Variants in MGRN1 observed in about 807,000 individuals in gnomAD.
The protein encoded by MGRN1 is E3 ubiquitin-protein ligase MGRN1.
Under a neutral mutation model 69.2 loss-of-function variants are expected in MGRN1, and 29 were observed. That is an observed-to-expected ratio of 0.42 (90% confidence interval 0.31 to 0.57). MGRN1 has a LOEUF of 0.57. Ranked by LOEUF, MGRN1 falls within the 20% of genes least tolerant of loss-of-function variation. MGRN1 has a pLI of 0.15. For missense variants in MGRN1, 998 were observed against 796.2 expected (o/e 1.25, Z -3.05); for synonymous variants, 470 against 344.2 (o/e 1.37, Z -4.04).
At chr16:4,659,657 T>C (rs1280697425) in intron 5 of MGRN1, among the ~76,000 whole-genome samples, 1 of 152,272 alleles carries the variant, frequency 6.6e-6, no homozygotes, top group Non-Finnish European at 1.5e-5. Flanking sequence ...CGTCTGTGGA[T>C]GGCCACGCTG....
rs199899105 is a variant in MGRN1, at chr16:4,677,316, GA to G, written c.956-137del. ...AAATTCCTGCTCCTTAAAACTAAAA[GA>G]AAAAAAAAAGACCGTTGTGATCTGG... On this transcript the variant is annotated intron_variant, in intron 10 of 16. Transcript: ENST00000262370. 2.8e-3 allele frequency: 1,201 copies of G among 426,344 alleles called. 4 individuals are homozygous for G. Among genetic ancestry groups the G allele is most frequent in the African/African-American group, 0.012 (554 of 47,234 alleles). 26.4% of individuals were successfully genotyped at this position (426,344 alleles called of 1,614,324 possible). A position where few individuals can be genotyped will look rare whatever the true frequency, so the allele number is the denominator to read the frequency against.
intron 1 of MGRN1, among the ~76,000 whole-genome samples, chr16:4,627,051 G>A (rs1897715155): frequency 2.0e-5 from 3 of 152,068 alleles, no homozygotes; most frequent in South Asian, 2.1e-4. Context: ...TAGACTCCCC[G>A]CCTCTCCTGT....
chr16:4,679,501 A>C (rs2079129078), intron 11 of MGRN1, among the ~76,000 whole-genome samples: 1 of 144,828 alleles, frequency 6.9e-6, no homozygotes, highest in Middle Eastern at 3.4e-3. Flanking sequence ...AGTGACAGAA[A>C]GAGCCACCGT....
At chr16:4,675,932 GTGCACATCCCAC>G (rs2079043936) in intron 10 of MGRN1, among the ~76,000 whole-genome samples, 1 of 152,238 alleles carries the variant, frequency 6.6e-6, no homozygotes, top group Non-Finnish European at 1.5e-5. Context: ...CCAGGTCAAA[GTGCACATCCCAC>G]TGGTAGGCCC....
chr16:4,668,839 C>G (rs887304591), intron 8 of MGRN1, among the ~76,000 whole-genome samples: 1 of 152,094 alleles, frequency 6.6e-6, no homozygotes, highest in African/African-American at 2.4e-5. Flanking sequence ...CATACCCACA[C>G]ATATACTCAC....
At chr16:4,638,553 C>A (rs2078083401) in intron 1 of MGRN1, among the ~76,000 whole-genome samples, 1 of 152,162 alleles carries the variant, frequency 6.6e-6, no homozygotes, top group Non-Finnish European at 1.5e-5. Flanking sequence ...ATGGTAGGCC[C>A]AGGGGGATCA....
At chr16:4,674,883 A>G (rs904847187) in intron 10 of MGRN1, among the ~76,000 whole-genome samples, 5 of 124,060 alleles carry the variant, frequency 4.0e-5, no homozygotes, top group Non-Finnish European at 5.2e-5. Context: ...CTCATGATCC[A>G]CCCGCCTCGG....
rs1439208560 is a variant in MGRN1 at position 4,665,088 on chromosome 16, T to C, written c.629-14T>C. ...GCCCCGACTCTGACTACTCTGCCCC[T>C]CTCTCCCCAGCAGTGGTGGAAGTGA... On this transcript the variant is annotated splice_polypyrimidine_tract_variant and intron_variant, in intron 6 of 16. Transcript: ENST00000262370. 5 of 1,613,978 alleles carry C rather than the reference T, an allele frequency of 3.1e-6. No individual in the cohort carries two copies. In the Admixed American group the frequency reaches 6.7e-5, roughly 22 times the overall value.
rs866154037 is a variant in MGRN1, at chr16:4,652,624, C to T, written c.297-54C>T. The T allele has an allele frequency of 1.3e-5, 20 of 1,554,522 alleles. No homozygotes were observed. In the African/African-American group the frequency reaches 2.2e-4, roughly 17 times the overall value. The stretch of plus-strand genomic sequence containing the variant: ...CTCAGCCTGGCAGGGGAGGAGGCAG[C>T]CTCCGCAGATGGGGCCGCTGACCCG... On this transcript the variant is annotated intron_variant, in intron 3 of 16. Transcript: ENST00000262370.
intron 1 of MGRN1, chr16:4,635,040 T>A (rs1323637360): frequency 1.3e-5 from 2 of 152,194 alleles, no homozygotes; most frequent in African/African-American, 4.8e-5. Flanking sequence ...TTCTGGGGAA[T>A]CGAAAGAAAG....
chr16:4,642,044 C>T (rs1010111868), intron 1 of MGRN1, among the ~76,000 whole-genome samples: 7 of 151,762 alleles, frequency 4.6e-5, no homozygotes, highest in African/African-American at 9.7e-5. Flanking sequence ...GTGTTGATCA[C>T]GTAGACCCTG....
intron 1 of MGRN1, among the ~76,000 whole-genome samples, chr16:4,632,689 G>GT (rs1898071932): frequency 1.3e-5 from 2 of 152,174 alleles, no homozygotes; most frequent in South Asian, 2.1e-4. Context: ...CCACCGTGCC[G>GT]GGACCAGTGG....
chr16:4,681,845 TG>T, intron 13 of MGRN1, 69 bp downstream of exon 13: 1 of 1,446,768 alleles, frequency 6.9e-7, no homozygotes, highest in African/African-American at 1.4e-5. Context: ...GGTGTCTTTG[TG>T]GTTTCAAATC....
chr16:4,650,751 G>C (rs1162525591), intron 2 of MGRN1: 9 of 337,338 alleles, frequency 2.7e-5, no homozygotes, highest in Admixed American at 4.8e-5. Context: ...GGGCTGCAAC[G>C]GCTGCGGAAC....
intron 5 of MGRN1, chr16:4,664,443 G>A (rs1051052472): frequency 3.6e-5 from 18 of 501,904 alleles, no homozygotes; most frequent in African/African-American, 2.3e-4. Context: ...GGATGGTGGC[G>A]GTTGCATGAC....
chr16:4,673,290 C>G (rs983788016), intron 9 of MGRN1, among the ~76,000 whole-genome samples: 3 of 152,154 alleles, frequency 2.0e-5, no homozygotes, highest in African/African-American at 7.2e-5. Context: ...GGGGCACAGA[C>G]CCTCCCCCTC....
At chr16:4,662,938 C>A (rs1382580282) in intron 5 of MGRN1, among the ~76,000 whole-genome samples, 2 of 152,194 alleles carry the variant, frequency 1.3e-5, no homozygotes, top group Non-Finnish European at 2.9e-5. Flanking sequence ...GGGGCTTGTC[C>A]CTTCCTCATG....
chr16:4,639,499 G>T (rs1422557435), intron 1 of MGRN1, among the ~76,000 whole-genome samples: 1 of 152,182 alleles, frequency 6.6e-6, no homozygotes, highest in African/African-American at 2.4e-5. Flanking sequence ...GGGGGCATCT[G>T]GAAGGTCAGG....
chr16:4,664,483 G>A, intron 5 of MGRN1: 1 of 589,628 alleles, frequency 1.7e-6, no homozygotes, highest in South Asian at 2.0e-5. Flanking sequence ...CAACGCTGTT[G>A]AAACGTAGTT....
Sources: allele counts gnomAD v4.1 joint callset (sites outside exome capture counted in the v4.1 genomes callset), GRCh38; gene constraint gnomAD v4.1.1; transcripts MANE v1.5; gene names NCBI Gene and HGNC (gene_info 2026-07-23, HGNC 2026-07-21).